SERPINA6: variants seen among roughly 807,000 people sequenced by gnomAD.
SERPINA6 encodes serpin family A member 6.
SERPINA6 carries 19 observed loss-of-function variants against 26.4 expected under a neutral mutation model. The observed-to-expected ratio is 0.72, with a 90% confidence interval of 0.50 to 1.06. The LOEUF is 1.06. SERPINA6 is among the 50% of genes least tolerant of loss of function. The pLI, the probability that SERPINA6 is intolerant of heterozygous loss-of-function variation, is 0.00. For synonymous variants in SERPINA6, 196 were observed against 199.4 expected, an observed-to-expected ratio of 0.98 and a Z score of 0.14; for missense variants, 473 against 504.0, an observed-to-expected ratio of 0.94 and a Z score of 0.59.
rs777114368 is a variant in SERPINA6, at chr14:94,304,613, A to G, written c.1033-10T>C. On this transcript the variant is annotated splice_polypyrimidine_tract_variant and intron_variant, in intron 4 of 4. Coordinates refer to ENST00000341584, the MANE Select transcript of SERPINA6 (RefSeq NM_001756.4). ...CAGCTTTATGGACCACCTGTTAGGTACAGAATGAAGATGGGTAGTGAGACC... is the reference window on the plus strand; with the variant it reads ...CAGCTTTATGGACCACCTGTTAGGTGCAGAATGAAGATGGGTAGTGAGACC... 1 of 1,612,994 alleles carries G rather than the reference A, an allele frequency of 6.2e-7. No individual in the cohort carries two copies. Among genetic ancestry groups the G allele is most frequent in the Non-Finnish European group, 8.5e-7 (1 of 1,179,132 alleles).
At chr14:94,312,545 T>C (rs1458541039) in intron 2 of SERPINA6, among the ~76,000 whole-genome samples, 2 of 152,180 alleles carry the variant, frequency 1.3e-5, no homozygotes, top group Admixed American at 1.3e-4. Context: ...GTCTATGGAA[T>C]TTGTGGGAGC....
In SERPINA6 at chr14:94,304,517, C is replaced by A. The variant is rs528742561; in HGVS notation, c.1119G>T (p.Lys373Asn). 6.2e-7 allele frequency: 1 copy of A among 1,614,138 alleles called. No homozygotes were observed. Among genetic ancestry groups the A allele is most frequent in the East Asian group, 2.2e-5 (1 of 44,886 alleles). The change falls in exon 5 of 5, where the codon AAG becomes AAT. Residue 373 changes from lysine (K) to asparagine (N), a missense_variant. Physicochemically the swap from Lys to Asn is moderately conservative, Grantham distance 94 (BLOSUM62 0). Transcript: ENST00000341584. The stretch of plus-strand genomic sequence containing the variant: ...GCTGGTTGAAACGCAAGATGATAGG[C>A]TTGGACGTCAGGTTTAGGGTGACCC... ...STGVTLNLTS[K>N]PIILRFNQPF...
At chr14:94,306,272 G>A in intron 3 of SERPINA6, 54 bp from the exon 4 acceptor site, 1 of 1,594,218 alleles carries the variant, frequency 6.3e-7, no homozygotes, top group Non-Finnish European at 8.6e-7. Context: ...CCTGGCAGAG[G>A]GGAGAGCAGC....
Position 94,304,459 on chromosome 14 carries a change from A to G in SERPINA6, c.1177T>C (p.Trp393Arg), listed in dbSNP as rs1362215393. 8 of 1,614,028 alleles carry G rather than the reference A, an allele frequency of 5.0e-6. No individual in the cohort carries two copies. In the African/African-American group the frequency reaches 6.7e-5, roughly 13 times the overall value. ...FIIMIFDHFT[W>R]SSLFLARVMN... ...ACCCTCGCCAGGAAAAGGCTGCTCC[A>G]GGTGAAGTGGTCGAAGATCATGATG... Residue 393 changes from tryptophan to arginine, a missense_variant, in exon 5 of 5, where the codon TGG becomes CGG. Transcript: ENST00000341584.
intron 2 of SERPINA6, among the ~76,000 whole-genome samples, chr14:94,313,608 G>T (rs928626005): frequency 2.0e-5 from 3 of 152,188 alleles, no homozygotes; most frequent in Admixed American, 6.5e-5. Context: ...CAGGAAGATT[G>T]AAAAACTGAA....
chr14:94,307,813 C>T (rs1032047022), intron 3 of SERPINA6, among the ~76,000 whole-genome samples: 6 of 152,174 alleles, frequency 3.9e-5, no homozygotes, highest in African/African-American at 1.4e-4. Context: ...ACATGACTTC[C>T]CTACAGGAGA....
chr14:94,316,418 A>G (rs55720027), intron 1 of SERPINA6, among the ~76,000 whole-genome samples: 2,396 of 152,184 alleles, frequency 0.016, 60 homozygotes, highest in African/African-American at 0.054. Context: ...TACTTATTTT[A>G]TGTCTGGTTG....
intron 1 of SERPINA6, among the ~76,000 whole-genome samples, chr14:94,321,519 A>G (rs1249762768): frequency 6.6e-6 from 1 of 152,170 alleles, no homozygotes; most frequent in Non-Finnish European, 1.5e-5. Context: ...AGGGCATGTC[A>G]CATCACTATA....
At chr14:94,315,956 T>C (rs1334012368) in intron 1 of SERPINA6, among the ~76,000 whole-genome samples, 4 of 152,248 alleles carry the variant, frequency 2.6e-5, no homozygotes, top group African/African-American at 9.6e-5. Flanking sequence ...TGAATTTGAA[T>C]ATATGCCATT....
At chr14:94,322,929 G>A (rs1390145414) in intron 1 of SERPINA6, among the ~76,000 whole-genome samples, 4 of 141,358 alleles carry the variant, frequency 2.8e-5, no homozygotes, top group Admixed American at 1.5e-4. Context: ...TGCAGGCTGC[G>A]ACTCTGTGGC....
At chr14:94,305,973 A>G in intron 4 of SERPINA6, 98 bp downstream of exon 4, 1 of 1,399,696 alleles carries the variant, frequency 7.1e-7, no homozygotes, top group South Asian at 1.2e-5. Flanking sequence ...AGGGACCTAG[A>G]GGCTCATTCA....
rs74689657 is a variant in SERPINA6 at position 94,304,344 on chromosome 14, G to A, written c.*74C>T. On this transcript the variant is annotated 3_prime_UTR_variant, in exon 5 of 5. Transcript: ENST00000341584. ...TGGAGGAGATTGGGGGAAACCTCCCGCTCTCCAAAACATTTCTGTGGGATC... is the reference window on the plus strand; with the variant it reads ...TGGAGGAGATTGGGGGAAACCTCCCACTCTCCAAAACATTTCTGTGGGATC... The A allele has an allele frequency of 0.019, 27,206 of 1,463,712 alleles. 314 individuals carry two copies. The highest frequency in any genetic ancestry group is 0.022 in the Non-Finnish European group (23,219 of 1,043,364). The allele number at this position is 1,463,712 out of a possible 1,614,324, so 90.7% of individuals were successfully genotyped here.
intron 1 of SERPINA6, among the ~76,000 whole-genome samples, chr14:94,319,422 G>T (rs1301172652): frequency 6.6e-6 from 1 of 152,112 alleles, no homozygotes; most frequent in Admixed American, 6.6e-5. Context: ...TAAACAAATT[G>T]TCATTTGACC....
Position 94,314,099 on chromosome 14 carries a change from C to T in SERPINA6, c.550G>A (p.Asp184Asn), listed in dbSNP as rs182173676. ...VKNKTQGKIV[D>N]LFSGLDSPAI... ...GGGCTATCCAGCCCTGAAAACAAGT[C>T]GACAATTTTCCCCTGTGTCTTATTC... Residue 184 changes from aspartate to asparagine, a missense_variant, in exon 2 of 5, where the codon GAC becomes AAC. Physicochemically the swap from Asp to Asn is conservative, Grantham distance 23 (BLOSUM62 1). Transcript: ENST00000341584. 2.8e-5 allele frequency: 46 copies of T among 1,614,132 alleles called. No individual in the cohort carries two copies. In the African/African-American group the frequency reaches 5.7e-4, roughly 20 times the overall value.
At chr14:94,310,630 C>T (rs888980707) in intron 2 of SERPINA6, among the ~76,000 whole-genome samples, 11 of 152,292 alleles carry the variant, frequency 7.2e-5, no homozygotes, top group African/African-American at 2.4e-4. Context: ...AGCTCACTAC[C>T]TTCACAGATG....
chr14:94,321,621 G>A (rs1895685691), intron 1 of SERPINA6, among the ~76,000 whole-genome samples: 1 of 152,194 alleles, frequency 6.6e-6, no homozygotes, highest in Admixed American at 6.5e-5. Flanking sequence ...TGGACTGGGA[G>A]CAGGGAACAA....
At chr14:94,319,800 G>A (rs929844476) in intron 1 of SERPINA6, among the ~76,000 whole-genome samples, 2 of 152,174 alleles carry the variant, frequency 1.3e-5, no homozygotes, top group African/African-American at 2.4e-5. Flanking sequence ...CCGGGGCAAC[G>A]GGAGATTGGG....
chr14:94,315,827 CT>C (rs1290041940), intron 1 of SERPINA6, among the ~76,000 whole-genome samples: 1 of 152,026 alleles, frequency 6.6e-6, no homozygotes, highest in East Asian at 1.9e-4. Context: ...TATTACTGTC[CT>C]TTTTTGTATT....
At chr14:94,308,511 A>T (rs1280189826) in intron 3 of SERPINA6, among the ~76,000 whole-genome samples, 2 of 150,434 alleles carry the variant, frequency 1.3e-5, no homozygotes, top group African/African-American at 2.5e-5. Flanking sequence ...TTCCTGAGCT[A>T]CTCCAGATCT....
Sources: allele counts gnomAD v4.1 joint callset (sites outside exome capture counted in the v4.1 genomes callset), GRCh38; gene constraint gnomAD v4.1.1; transcripts MANE v1.5; gene names NCBI Gene and HGNC (gene_info 2026-07-23, HGNC 2026-07-21).